P4HA1: variants seen among roughly 807,000 people sequenced by gnomAD.
P4HA1 encodes prolyl 4-hydroxylase subunit alpha-1.
In P4HA1, 24 loss-of-function variants were observed where a neutral mutation model predicts 72.8. That is an observed-to-expected ratio of 0.33 (90% CI 0.24 to 0.46). The LOEUF (loss-of-function observed/expected upper bound fraction) is 0.46. P4HA1 is among the 20% of genes least tolerant of loss of function. P4HA1 has a pLI of 1.00. For synonymous variants in P4HA1, 201 were observed against 218.8 expected, an observed-to-expected ratio of 0.92 and a Z score of 0.72; for missense variants, 446 against 640.6, an observed-to-expected ratio of 0.70 and a Z score of 3.28.
chr10:73,096,637 T>G (rs1188354634), intron 1 of P4HA1, 129 bp downstream of exon 1: 1 of 153,276 alleles, frequency 6.5e-6, no homozygotes, highest in African/African-American at 2.4e-5. Flanking sequence ...CCGAGGCTGC[T>G]GTGGTAACCT....
intron 10 of P4HA1, among the ~76,000 whole-genome samples, chr10:73,025,220 C>G (rs1000449099): frequency 6.6e-6 from 1 of 150,848 alleles, no homozygotes; most frequent in Admixed American, 6.6e-5. Context: ...TGAACATCGA[C>G]GCAAAAATCC....
chr10:73,073,889 G>A, intron 2 of P4HA1, 62 bp from the exon 3 acceptor site: 1 of 801,712 alleles, frequency 1.2e-6, no homozygotes, highest in South Asian at 1.4e-5. Context: ...TTAAGAATAA[G>A]AATGATTGAG....
intron 12 of P4HA1, among the ~76,000 whole-genome samples, chr10:73,011,282 G>T (rs983039724): frequency 2.6e-5 from 4 of 152,168 alleles, no homozygotes; most frequent in Admixed American, 6.5e-5. Flanking sequence ...GAAGACTGGG[G>T]ATATAATTTG....
chr10:73,009,843 G>T lies in P4HA1; in HGVS notation c.1498C>A (p.His500Asn). 6.2e-7 allele frequency: 1 copy of T among 1,609,450 alleles called. No individual in the cohort carries two copies. Among genetic ancestry groups the T allele is most frequent in the Non-Finnish European group, 8.5e-7 (1 of 1,175,816 alleles). The change falls in exon 14 of 15, where the codon CAT becomes AAT. Residue 500 changes from histidine to asparagine, a missense_variant. His to Asn is a moderately conservative substitution (Grantham distance 68). Coordinates refer to ENST00000394890, the MANE Select transcript of P4HA1 (RefSeq NM_001017962.3). Reference sequence around the variant, plus strand: ...CCAACTAGCACTGGACAGGCTGCATGCCGTGTACTATAATCTCCTTCTCCA... The same window carrying T: ...CCAACTAGCACTGGACAGGCTGCATTCCGTGTACTATAATCTCCTTCTCCA... ...ASGEGDYSTR[H>N]AACPVLVGNK...
intron 7 of P4HA1, among the ~76,000 whole-genome samples, chr10:73,048,262 T>G (rs902243173): frequency 1.8e-4 from 28 of 152,092 alleles, no homozygotes; most frequent in African/African-American, 6.0e-4. Context: ...GAAAAAGAAT[T>G]TTTTGTTTTT....
intron 7 of P4HA1, among the ~76,000 whole-genome samples, 191 bp from the exon 8 acceptor site, chr10:73,047,292 A>G (rs995555159): frequency 2.6e-5 from 4 of 152,196 alleles, no homozygotes; most frequent in African/African-American, 7.2e-5. Flanking sequence ...TACAGTATTA[A>G]TGATTATTTT....
chr10:73,042,449 T>C (rs538901690), intron 9 of P4HA1, among the ~76,000 whole-genome samples: 2 of 152,278 alleles, frequency 1.3e-5, no homozygotes, highest in South Asian at 4.1e-4. Flanking sequence ...TTGCATAAAT[T>C]TTTTAGTTGA....
chr10:73,023,711 A>G (rs1253318370), intron 10 of P4HA1, among the ~76,000 whole-genome samples: 1 of 152,164 alleles, frequency 6.6e-6, no homozygotes, highest in South Asian at 2.1e-4. Context: ...CAAATTGGAT[A>G]AAGAGTCAAG....
intron 5 of P4HA1, among the ~76,000 whole-genome samples, chr10:73,061,244 C>G (rs1012780988): frequency 6.6e-6 from 1 of 152,116 alleles, no homozygotes; most frequent in African/African-American, 2.4e-5. Flanking sequence ...AAGTTCATAG[C>G]GCCACCTATG....
chr10:73,020,312 A>G (rs1840105121), intron 10 of P4HA1, among the ~76,000 whole-genome samples: 1 of 152,172 alleles, frequency 6.6e-6, no homozygotes, highest in African/African-American at 2.4e-5. Context: ...AAATGGATAA[A>G]TTCCTGGAAA....
At chr10:73,094,300 T>G (rs998404704) in intron 1 of P4HA1, among the ~76,000 whole-genome samples, 13 of 152,150 alleles carry the variant, frequency 8.5e-5, no homozygotes, top group Non-Finnish European at 1.9e-4. Flanking sequence ...TCAGAAACAT[T>G]CAATACTGCC....
chr10:73,021,872 G>A (rs938339768), intron 10 of P4HA1, among the ~76,000 whole-genome samples: 1 of 152,230 alleles, frequency 6.6e-6, no homozygotes, highest in Non-Finnish European at 1.5e-5. Flanking sequence ...CCATGCCCAT[G>A]GAGCCTTGCT....
Position 73,056,738 on chromosome 10 carries a change from C to T in P4HA1, c.464-3148G>A, listed in dbSNP as rs532832512. Among the ~76,000 whole-genome samples the T allele has an allele frequency of 2.0e-3, 304 of 152,170 alleles. 3 individuals are homozygous for T. Among genetic ancestry groups the T allele is most frequent in the African/African-American group, 7.0e-3 (291 of 41,524 alleles). On this transcript the variant is annotated intron_variant, in intron 5 of 14. Transcript: ENST00000394890. Reference sequence around the variant, plus strand: ...TTCCAAAAATCATAAAGATAACCAACGACAGTTCAAAACTCATTAGGCTGG... The same window carrying T: ...TTCCAAAAATCATAAAGATAACCAATGACAGTTCAAAACTCATTAGGCTGG...
At chr10:73,049,042 G>A (rs934979398) in intron 7 of P4HA1, among the ~76,000 whole-genome samples, 35 of 152,128 alleles carry the variant, frequency 2.3e-4, no homozygotes, top group Admixed American at 1.5e-3. Flanking sequence ...GCTGAGGCAG[G>A]AGAATGGCGT....
At chr10:73,077,352 C>T (rs1841721821) in intron 1 of P4HA1, among the ~76,000 whole-genome samples, 1 of 152,154 alleles carries the variant, frequency 6.6e-6, no homozygotes, top group Non-Finnish European at 1.5e-5. Context: ...GGTTATTTTG[C>T]CATTGCTAAA....
chr10:73,075,728 TTATA>T (rs147492908), intron 1 of P4HA1, among the ~76,000 whole-genome samples: 1 of 150,018 alleles, frequency 6.7e-6, no homozygotes, highest in Non-Finnish European at 1.5e-5. Context: ...CATATATATT[TTATA>T]TATATATATA....
chr10:73,077,533 A>T (rs1300563866), intron 1 of P4HA1, among the ~76,000 whole-genome samples: 5 of 152,238 alleles, frequency 3.3e-5, no homozygotes, highest in African/African-American at 1.2e-4. Flanking sequence ...AATTCAAAAC[A>T]ATCGTAAAAA....
At chr10:73,087,087 A>G (rs564969217) in intron 1 of P4HA1, among the ~76,000 whole-genome samples, 2 of 152,094 alleles carry the variant, frequency 1.3e-5, no homozygotes, top group African/African-American at 4.8e-5. Flanking sequence ...TAGCTACACT[A>G]TTTGCCCTTC....
rs572999420 is a variant in P4HA1, at chr10:73,010,845, G to A, written c.1437+124C>T. ...TGGGCTCCAGCCTGGGCAACAGAGC[G>A]AGAACAGGTCTCAAAAAATGAAAAA... is the stretch of plus-strand genomic sequence containing the variant. On this transcript the variant is annotated intron_variant, in intron 13 of 14. Transcript: ENST00000394890. 305 of 682,428 alleles carry A rather than the reference G, an allele frequency of 4.5e-4. 4 individuals are homozygous for A. The highest frequency in any genetic ancestry group is 4.0e-3 in the South Asian group (212 of 52,452). 42.3% of individuals were successfully genotyped at this position (682,428 alleles called of 1,614,324 possible).
Sources: allele counts gnomAD v4.1 joint callset (sites outside exome capture counted in the v4.1 genomes callset), GRCh38; gene constraint gnomAD v4.1.1; transcripts MANE v1.5; gene names NCBI Gene and HGNC (gene_info 2026-07-23, HGNC 2026-07-21).